KIAA0513: variants seen among roughly 807,000 people sequenced by gnomAD.
The protein encoded by KIAA0513 is uncharacterized protein KIAA0513.
Under a neutral mutation model 56.5 loss-of-function variants are expected in KIAA0513, and 39 were observed. That is an observed-to-expected ratio of 0.69 (90% CI 0.53 to 0.90). The LOEUF is 0.90. Ranked by LOEUF, KIAA0513 falls within the 40% of genes least tolerant of loss-of-function variation. The probability of loss-of-function intolerance (pLI) is 0.00; values close to 1 mark genes in which losing one functional copy is unlikely to be tolerated. For synonymous variants in KIAA0513, 268 were observed against 215.6 expected (o/e 1.24, Z -2.13); for missense variants, 591 against 535.2 (o/e 1.10, Z -1.03).
At position 85,090,398 on chromosome 16, in the gene KIAA0513, G is replaced by GT. The variant is rs2073856185; in HGVS notation, c.*2074dup. The GT allele has an allele frequency of 6.6e-6, 1 of 152,182 alleles. No individual in the cohort carries two copies. Among genetic ancestry groups the GT allele is most frequent in the Admixed American group, 6.5e-5 (1 of 15,276 alleles). 9.4% of individuals were successfully genotyped at this position (152,182 alleles called of 1,614,324 possible). Reference sequence around the variant, plus strand: ...TGCGGTGCCCACAGGACTTACCCCTGTATGTACAGGATTTTTGTATGAAAG... The same window carrying GT: ...TGCGGTGCCCACAGGACTTACCCCTGTTATGTACAGGATTTTTGTATGAAAG... On this transcript the variant is annotated 3_prime_UTR_variant, in exon 13 of 13. Transcript: ENST00000683363.
At chr16:85,029,899 T>C (rs191445358) in intron 1 of KIAA0513, among the ~76,000 whole-genome samples, 30 of 152,328 alleles carry the variant, frequency 2.0e-4, no homozygotes, top group African/African-American at 6.7e-4. Flanking sequence ...ATGTCATAGA[T>C]GAGGAAACTG....
At chr16:85,079,781 T>C (rs2073715522) in intron 8 of KIAA0513, 1 of 152,246 alleles carries the variant, frequency 6.6e-6, no homozygotes, top group East Asian at 1.9e-4. Flanking sequence ...GTGAATTTCA[T>C]GGCAAGTGAA....
chr16:85,077,063 G>A (rs969044733), intron 5 of KIAA0513, among the ~76,000 whole-genome samples: 2 of 152,136 alleles, frequency 1.3e-5, no homozygotes, highest in Admixed American at 1.3e-4. Context: ...CCCATTCCAG[G>A]GGCCTGGTGC....
In KIAA0513 at chr16:85,067,097, G is replaced by C; in HGVS notation, c.26G>C (p.Gly9Ala). The C allele has an allele frequency of 1.3e-6, 2 of 1,597,928 alleles. No homozygotes were observed. Among genetic ancestry groups the C allele is most frequent in the East Asian group, 4.5e-5 (2 of 44,678 alleles). METPEVPV[G>A]SLIDFGPEAP... is the part of the protein sequence containing the mutation. ...ATGGAGACCCCAGAGGTCCCCGTGG[G>C]CTCGCTAATCGACTTTGGGCCTGAG... The change falls in exon 2 of 13, where the codon GGC (glycine) becomes GCC (alanine). Residue 9 changes from glycine to alanine, a missense_variant. Physicochemically the swap from Gly to Ala is moderately conservative, Grantham distance 60. Coordinates refer to ENST00000683363, the MANE Select transcript of KIAA0513 (RefSeq NM_001388359.1).
chr16:85,088,357 A>C lies in KIAA0513; in HGVS notation c.*32A>C, dbSNP rs1198195711. The C allele has an allele frequency of 3.1e-6, 5 of 1,596,358 alleles. No individual in the cohort carries two copies. Among genetic ancestry groups the C allele is most frequent in the Non-Finnish European group, 3.4e-6 (4 of 1,171,312 alleles). Reference sequence around the variant, plus strand: ...GAGGTCGCACTCCGCAGGAGGACTGAGGCCATGTGCCATTCTCCCGGGCCC... The same window carrying C: ...GAGGTCGCACTCCGCAGGAGGACTGCGGCCATGTGCCATTCTCCCGGGCCC... On this transcript the variant is annotated 3_prime_UTR_variant, in exon 13 of 13. Coordinates refer to ENST00000683363, the MANE Select transcript of KIAA0513 (RefSeq NM_001388359.1).
At chr16:85,050,539 C>T (rs985112258) in intron 1 of KIAA0513, among the ~76,000 whole-genome samples, 17 of 152,078 alleles carry the variant, frequency 1.1e-4, no homozygotes, top group African/African-American at 3.9e-4. Flanking sequence ...TGGTCTCGAA[C>T]TCCTGACCTC....
Position 85,072,970 on chromosome 16 carries a change from G to C in KIAA0513, c.475G>C (p.Val159Leu). 1 of 1,614,194 alleles carries C rather than the reference G, an allele frequency of 6.2e-7. No individual in the cohort carries two copies. ...CTCAGAGGCAACCTTCTACCGCCTG[G>C]TGCAGTCTTTTGCAGTGGTGCTGTT... ...CVSEATFYRLVQSFAVVLFEC... is the reference protein window; with the variant it reads ...CVSEATFYRLLQSFAVVLFEC... Residue 159 changes from valine (V) to leucine (L), a missense_variant, in exon 4 of 13, where the codon GTG becomes CTG. Coordinates refer to ENST00000683363, the MANE Select transcript of KIAA0513 (RefSeq NM_001388359.1).
At chr16:85,042,666 A>T (rs1215480008) in intron 1 of KIAA0513, among the ~76,000 whole-genome samples, 2 of 152,242 alleles carry the variant, frequency 1.3e-5, no homozygotes, top group Non-Finnish European at 2.9e-5. Context: ...AATAAAGGTG[A>T]GTTGTAGTTA....
intron 4 of KIAA0513, among the ~76,000 whole-genome samples, chr16:85,074,317 CACACACACACGTATATATACACACAT>C (rs2073623925): frequency 6.7e-6 from 1 of 148,562 alleles, no homozygotes; most frequent in Admixed American, 6.8e-5. Context: ...CACATACACA[CACACACACACGTATATATACACACAT>C]ACACACACAC....
At chr16:85,074,195 G>A (rs1360867399) in intron 4 of KIAA0513, among the ~76,000 whole-genome samples, 2 of 151,706 alleles carry the variant, frequency 1.3e-5, no homozygotes, top group African/African-American at 4.8e-5. Context: ...GGCTGGTCTC[G>A]AACTCCTGAC....
At chr16:85,082,526 C>T (rs2073758021) in intron 9 of KIAA0513, 38 bp from the exon 10 acceptor site, 2 of 1,610,258 alleles carry the variant, frequency 1.2e-6, no homozygotes, top group Admixed American at 1.7e-5. Flanking sequence ...ATGACTTTGA[C>T]ATGTTCCTTT....
chr16:85,073,787 C>T (rs1017546317), intron 4 of KIAA0513, among the ~76,000 whole-genome samples: 2 of 152,184 alleles, frequency 1.3e-5, no homozygotes, highest in African/African-American at 4.8e-5. Context: ...AGAAGGCCTC[C>T]AAGCAGTCCC....
At chr16:85,050,149 T>C (rs2073229969) in intron 1 of KIAA0513, among the ~76,000 whole-genome samples, 1 of 151,660 alleles carries the variant, frequency 6.6e-6, no homozygotes, top group African/African-American at 2.4e-5. Context: ...TCTCGGTGCC[T>C]GAAACTCAAG....
intron 1 of KIAA0513, among the ~76,000 whole-genome samples, chr16:85,053,476 A>AGGGT (rs1187919833): frequency 6.6e-6 from 1 of 152,204 alleles, no homozygotes; most frequent in Non-Finnish European, 1.5e-5. Flanking sequence ...AATAATTAAT[A>AGGGT]GGGTGTAAGG....
intron 1 of KIAA0513, among the ~76,000 whole-genome samples, chr16:85,044,815 C>T (rs1242620372): frequency 6.6e-6 from 1 of 151,816 alleles, no homozygotes; most frequent in Non-Finnish European, 1.5e-5. Context: ...CAGTAATGCT[C>T]CTCTTAAGAA....
At chr16:85,035,301 A>C (rs1057178900) in intron 1 of KIAA0513, among the ~76,000 whole-genome samples, 4 of 152,194 alleles carry the variant, frequency 2.6e-5, no homozygotes, top group African/African-American at 9.6e-5. Flanking sequence ...GGCCTAGCCC[A>C]GTGCTCAGCA....
rs547803502 is a variant in KIAA0513, at chr16:85,078,861, C to T, written c.824-64C>T. The T allele has an allele frequency of 6.0e-5, 93 of 1,557,600 alleles. No homozygotes were observed. In the Admixed American group the frequency reaches 1.1e-3, roughly 18 times the overall value. On this transcript the variant is annotated intron_variant, in intron 7 of 12. Coordinates refer to ENST00000683363, the MANE Select transcript of KIAA0513 (RefSeq NM_001388359.1). ...AACTGGCTGCTGGGAGGCTGTCACC[C>T]GGGGTTTGCCAACAGTGGGTGCGCA...
At chr16:85,056,634 G>C (rs9939449) in intron 1 of KIAA0513, among the ~76,000 whole-genome samples, 13,007 of 152,070 alleles carry the variant, frequency 0.086, 1,795 homozygotes, top group African/African-American at 0.29. Context: ...GGCCGCGCTC[G>C]CCGAGAGCCC....
At position 85,067,310 on chromosome 16, in the gene KIAA0513, C is replaced by G; in HGVS notation, c.239C>G (p.Ser80Cys). The G allele has an allele frequency of 1.2e-6, 2 of 1,612,260 alleles. No individual in the cohort carries two copies. Among genetic ancestry groups the G allele is most frequent in the Non-Finnish European group, 1.7e-6 (2 of 1,179,774 alleles). The change falls in exon 2 of 13, where the codon TCC becomes TGC. Residue 80 changes from serine to cysteine, a missense_variant. Transcript: ENST00000683363. ...RRSSSNESFSSNQSTESTQDE... is the reference protein window; with the variant it reads ...RRSSSNESFSCNQSTESTQDE... ...TCCTCCTCCAACGAGTCCTTCTCCT[C>G]CAACCAGAGCACCGAGTCTACCCAG... is the stretch of plus-strand genomic sequence containing the variant.
Sources: allele counts gnomAD v4.1 joint callset (sites outside exome capture counted in the v4.1 genomes callset), GRCh38; gene constraint gnomAD v4.1.1; transcripts MANE v1.5; gene names NCBI Gene and HGNC (gene_info 2026-07-23, HGNC 2026-07-21).